The following DIAPH3 variants were observed in gnomAD, a reference collection of about 807,000 sequenced individuals.
DIAPH3 encodes the protein protein diaphanous homolog 3.
Under a neutral mutation model 144.3 loss-of-function variants are expected in DIAPH3, and 117 were observed. The ratio of observed to expected loss-of-function variants is 0.81; its 90% CI spans 0.70 to 0.95. The LOEUF (loss-of-function observed/expected upper bound fraction) is 0.95. Among genes scored for constraint, DIAPH3 ranks in the 40% least tolerant of loss-of-function variants. The pLI is 0.00. For synonymous variants in DIAPH3, 519 were observed against 488.9 expected, an observed-to-expected ratio of 1.06 and a Z score of -0.81; for missense variants, 1,421 against 1,412.7, an observed-to-expected ratio of 1.01 and a Z score of -0.09.
intron 17 of DIAPH3, among the ~76,000 whole-genome samples, chr13:59,951,370 G>C (rs1160020856): frequency 6.6e-6 from 1 of 152,056 alleles, no homozygotes; most frequent in African/African-American, 2.4e-5. Flanking sequence ...GACCTCCCAG[G>C]CCATGCTGAA....
intron 20 of DIAPH3, among the ~76,000 whole-genome samples, chr13:59,887,586 T>C (rs1467924918): frequency 1.3e-5 from 2 of 152,124 alleles, no homozygotes; most frequent in Non-Finnish European, 1.5e-5. Context: ...GCAAGATATC[T>C]ATATTTTGAA....
intron 1 of DIAPH3, among the ~76,000 whole-genome samples, chr13:60,137,742 C>CTTTT (rs35703399): frequency 1.6e-5 from 2 of 125,732 alleles, no homozygotes; most frequent in African/African-American, 3.0e-5. Context: ...TTAAAATTGA[C>CTTTT]TTTTTTTTTT....
intron 2 of DIAPH3, among the ~76,000 whole-genome samples, chr13:60,129,812 AG>A (rs1172019936): frequency 2.0e-5 from 3 of 152,228 alleles, no homozygotes; most frequent in African/African-American, 7.2e-5. Context: ...CTAACACACC[AG>A]AAATAGTTTA....
At chr13:59,878,099 T>A (rs1049174740) in intron 21 of DIAPH3, among the ~76,000 whole-genome samples, 2 of 152,064 alleles carry the variant, frequency 1.3e-5, no homozygotes, top group African/African-American at 4.8e-5. Context: ...ATTAATCACA[T>A]ACATTAAAGA....
intron 3 of DIAPH3, among the ~76,000 whole-genome samples, chr13:60,105,099 C>CAAAAAAAAAAAAAAAAAAAAAAAAAAA (rs60853102): frequency 4.8e-5 from 2 of 41,826 alleles, no homozygotes; most frequent in African/African-American, 2.0e-4. Context: ...GACACGATCT[C>CAAAAAAAAAAAAAAAAAAAAAAAAAAA]AAAAAAAAAA....
intron 4 of DIAPH3, among the ~76,000 whole-genome samples, chr13:60,065,211 T>C (rs1266183960): frequency 2.2e-5 from 3 of 133,994 alleles, no homozygotes; most frequent in South Asian, 2.3e-4. Flanking sequence ...ATGGCATCAA[T>C]AGGTTTGCTC....
chr13:59,839,095 A>AAACT, intron 23 of DIAPH3: 1 of 405,364 alleles, frequency 2.5e-6, no homozygotes, highest in African/African-American at 2.1e-5. Flanking sequence ...TGGGTTTCAA[A>AAACT]AAATAAATAA....
chr13:59,670,066 A>G (rs906148425), intron 27 of DIAPH3, among the ~76,000 whole-genome samples: 1 of 152,190 alleles, frequency 6.6e-6, no homozygotes, highest in Non-Finnish European at 1.5e-5. Flanking sequence ...TTTGGAGACA[A>G]AGGTAAATAA....
At chr13:59,694,569 G>A (rs889921445) in intron 27 of DIAPH3, among the ~76,000 whole-genome samples, 12 of 152,032 alleles carry the variant, frequency 7.9e-5, no homozygotes, top group African/African-American at 2.4e-4. Flanking sequence ...CTTCTAAAAC[G>A]CTTGATTGTT....
chr13:59,914,094 T>C (rs912299937), intron 19 of DIAPH3, among the ~76,000 whole-genome samples: 6 of 151,870 alleles, frequency 4.0e-5, no homozygotes. Flanking sequence ...GGGTAAAAAA[T>C]GATGCAGAAA....
At chr13:59,884,907 C>T (rs952204527) in intron 20 of DIAPH3, among the ~76,000 whole-genome samples, 3 of 151,732 alleles carry the variant, frequency 2.0e-5, no homozygotes, top group African/African-American at 7.3e-5. Context: ...TTTAAGAAAA[C>T]TATACAAAAA....
chr13:60,123,763 T>C (rs558813454), intron 2 of DIAPH3, among the ~76,000 whole-genome samples: 10 of 152,326 alleles, frequency 6.6e-5, no homozygotes, highest in African/African-American at 2.4e-4. Context: ...TCACACTTTT[T>C]ATCACTCATT....
rs902736427 is a variant in DIAPH3, at chr13:59,673,090, G to A, written c.3320-6244C>T. On this transcript the variant is annotated intron_variant, in intron 27 of 27. Coordinates refer to ENST00000400324, the MANE Select transcript of DIAPH3 (RefSeq NM_001042517.2). ...TTCTAATTGAGTGTAGGGCTACAAGGAAGCTCAAGATGACGCAGGCTCTGT... is the reference window on the plus strand; with the variant it reads ...TTCTAATTGAGTGTAGGGCTACAAGAAAGCTCAAGATGACGCAGGCTCTGT... 3.3e-5 allele frequency among the ~76,000 whole-genome samples: 5 copies of A among 152,302 alleles called. No individual in the cohort carries two copies. In the South Asian group the frequency reaches 1.0e-3, roughly 32 times the overall value.
chr13:60,047,317 ATC>A (rs2056121845), intron 4 of DIAPH3, among the ~76,000 whole-genome samples: 1 of 152,154 alleles, frequency 6.6e-6, no homozygotes, highest in African/African-American at 2.4e-5. Flanking sequence ...TCAAAATCCC[ATC>A]AAGTGTTTTG....
At chr13:59,932,097 T>C (rs1170321513) in intron 17 of DIAPH3, among the ~76,000 whole-genome samples, 1 of 152,144 alleles carries the variant, frequency 6.6e-6, no homozygotes, top group Non-Finnish European at 1.5e-5. Context: ...TTCCCTTCCT[T>C]AACCTGACCA....
intron 1 of DIAPH3, among the ~76,000 whole-genome samples, chr13:60,142,871 C>T (rs933772098): frequency 6.6e-6 from 1 of 152,016 alleles, no homozygotes; most frequent in African/African-American, 2.4e-5. Flanking sequence ...GATCAGCTTC[C>T]CAAGTAGCTG....
intron 22 of DIAPH3, among the ~76,000 whole-genome samples, chr13:59,859,395 G>T (rs879690848): frequency 6.6e-6 from 1 of 152,098 alleles, no homozygotes; most frequent in Non-Finnish European, 1.5e-5. Flanking sequence ...TTACAGTTCT[G>T]CAAGTCCTTA....
intron 24 of DIAPH3, among the ~76,000 whole-genome samples, chr13:59,815,608 C>T (rs1426251491): frequency 1.3e-5 from 2 of 151,986 alleles, no homozygotes. Flanking sequence ...TGTTTTGTAA[C>T]ATATAAAAAT....
At chr13:59,900,095 G>T (rs1211951519) in intron 20 of DIAPH3, among the ~76,000 whole-genome samples, 2 of 152,144 alleles carry the variant, frequency 1.3e-5, no homozygotes, top group African/African-American at 4.8e-5. Context: ...ACAATTGGCA[G>T]CATGTGAGTG....
Sources: gnomAD v4.1 joint callset for allele counts (sites outside exome capture counted in the v4.1 genomes callset) on GRCh38, gnomAD v4.1.1 for gene constraint, MANE v1.5 for transcripts, NCBI Gene and HGNC (gene_info 2026-07-23, HGNC 2026-07-21) for gene names.